AHCY: variants seen among roughly 807,000 people sequenced by gnomAD.
AHCY encodes the protein adenosylhomocysteinase.
AHCY carries 24 observed loss-of-function variants against 45.4 expected under a neutral mutation model. The ratio of observed to expected loss-of-function variants is 0.53; its 90% confidence interval spans 0.38 to 0.74. The LOEUF (loss-of-function observed/expected upper bound fraction) is 0.74. Ranked by LOEUF, AHCY falls within the 30% of genes least tolerant of loss-of-function variation. The pLI, the probability that AHCY is intolerant of heterozygous loss-of-function variation, is 0.00. For missense variants in AHCY, 449 were observed against 594.1 expected (o/e 0.76, Z 2.54); for synonymous variants, 245 against 235.1 (o/e 1.04, Z -0.39).
At chr20:34,244,051 T>C in the AHCY span, among the ~76,000 whole-genome samples, 2 of 152,050 alleles carry the variant, frequency 1.3e-5, no homozygotes, top group Non-Finnish European at 2.9e-5. Flanking sequence ...GGCGACAGAG[T>C]GAGACTCCAT....
At chr20:34,277,779 ACT>A (rs1028752712), downstream of AHCY, among the ~76,000 whole-genome samples, 3 of 148,136 alleles carry the variant, frequency 2.0e-5, no homozygotes, top group African/African-American at 7.8e-5. Context: ...AAAAAAAAAA[ACT>A]CAGCATAAAA....
At chr20:34,282,647 C>T (rs115919243) in intron 9 of AHCY, among the ~76,000 whole-genome samples, 3,606 of 152,224 alleles carry the variant, frequency 0.024, 159 homozygotes, top group African/African-American at 0.081. Context: ...GACGTGTCCA[C>T]GGTCACCAAG....
intron 1 of AHCY, among the ~76,000 whole-genome samples, chr20:34,299,596 C>A (rs1171665768): frequency 5.9e-5 from 9 of 152,212 alleles, no homozygotes; most frequent in African/African-American, 2.2e-4. Context: ...CCAAACTACT[C>A]CCCTGAACTT....
upstream of AHCY, among the ~76,000 whole-genome samples, chr20:34,306,916 G>A (rs967593787): frequency 5.3e-5 from 8 of 152,110 alleles, no homozygotes; most frequent in African/African-American, 1.7e-4. Context: ...GGTAGGGGAC[G>A]GGAGCAAGAG....
At chr20:34,257,654 A>G in the AHCY span, among the ~76,000 whole-genome samples, 1 of 152,214 alleles carries the variant, frequency 6.6e-6, no homozygotes. Flanking sequence ...ATGATATAAT[A>G]ATAAGTTTCA....
chr20:34,299,021 A>C (rs1422203399), intron 1 of AHCY, among the ~76,000 whole-genome samples: 1 of 152,098 alleles, frequency 6.6e-6, no homozygotes, highest in Non-Finnish European at 1.5e-5. Context: ...TATATGCAAT[A>C]AATAACAGCG....
At chr20:34,236,057 GGA>G in the AHCY span, among the ~76,000 whole-genome samples, 55 of 133,058 alleles carry the variant, frequency 4.1e-4, no homozygotes, top group South Asian at 9.9e-4. Context: ...AAGGAAGGAA[GGA>G]GAGAGAGAAA....
upstream of AHCY, among the ~76,000 whole-genome samples, chr20:34,308,139 T>C (rs1471465872): frequency 6.6e-6 from 1 of 152,250 alleles, no homozygotes; most frequent in Non-Finnish European, 1.5e-5. Flanking sequence ...TTGTTCTTTT[T>C]TATGCATGCA....
chr20:34,237,792 A>C, the AHCY span, among the ~76,000 whole-genome samples: 1 of 152,024 alleles, frequency 6.6e-6, no homozygotes, highest in Non-Finnish European at 1.5e-5. Flanking sequence ...TGGGTTTTTC[A>C]TATATGGCTT....
chr20:34,260,048 G>A, the AHCY span, among the ~76,000 whole-genome samples: 2 of 151,882 alleles, frequency 1.3e-5, no homozygotes, highest in African/African-American at 2.4e-5. Context: ...TGGGGCCACA[G>A]ACATTAAAAA....
chr20:34,277,361 C>T (rs191568842), downstream of AHCY, among the ~76,000 whole-genome samples: 298 of 152,270 alleles, frequency 2.0e-3, 1 homozygote, highest in Non-Finnish European at 3.2e-3. Context: ...AAGGTTCTCC[C>T]TTAGTTCCAA....
Position 34,280,945 on chromosome 20 carries a change from A to G in AHCY, c.*89T>C, listed in dbSNP as rs1296489001. ...GTCGATGGGGGACACTGACAAACCA[A>G]TCACAAAGTTGGTGCCATTAGCTCT... On this transcript the variant is annotated 3_prime_UTR_variant, in exon 10 of 10. Coordinates refer to ENST00000217426, the MANE Select transcript of AHCY (RefSeq NM_000687.4). 1.3e-6 allele frequency: 2 copies of G among 1,584,906 alleles called. No individual in the cohort carries two copies. The highest frequency in any genetic ancestry group is 1.3e-5 in the African/African-American group (1 of 74,314).
chr20:34,247,629 G>A, the AHCY span, among the ~76,000 whole-genome samples: 1 of 150,990 alleles, frequency 6.6e-6, no homozygotes, highest in Non-Finnish European at 1.5e-5. Flanking sequence ...TTTTTTTTGA[G>A]ACATGGTCTC....
the AHCY span, among the ~76,000 whole-genome samples, chr20:34,262,518 G>A: frequency 6.6e-6 from 1 of 152,202 alleles, no homozygotes; most frequent in Non-Finnish European, 1.5e-5. Flanking sequence ...ACCTGGGGTG[G>A]CTCTGAGTGG....
chr20:34,306,529 C>T (rs531519756), upstream of AHCY, among the ~76,000 whole-genome samples: 43 of 152,108 alleles, frequency 2.8e-4, no homozygotes, highest in Admixed American at 9.8e-4. Context: ...CTCCCACACC[C>T]GGATAATTTT....
upstream of AHCY, among the ~76,000 whole-genome samples, chr20:34,303,743 C>CA (rs1457978669): frequency 6.6e-6 from 1 of 152,170 alleles, no homozygotes; most frequent in Non-Finnish European, 1.5e-5. Context: ...CCTGTAATCC[C>CA]AGCACTTTGG....
In AHCY at chr20:34,285,504, G is replaced by A. The variant is rs746842495; in HGVS notation, c.1103C>T (p.Ala368Val). The change falls in exon 9 of 10, where the codon GCG (alanine) becomes GTG (valine). Residue 368 changes from alanine (A) to valine (V), a missense_variant. Ala to Val is a moderately conservative substitution (Grantham distance 64, BLOSUM62 0). Transcript: ENST00000217426. ...MSNSFTNQVMAQIELWTHPDK... is the reference protein window; with the variant it reads ...MSNSFTNQVMVQIELWTHPDK... ...TGGATGGGTCCACAGCTCGATCTGC[G>A]CCATCACCTGGTTGGTGAAGGAGTT... 12 of 1,614,004 alleles carry A rather than the reference G, an allele frequency of 7.4e-6. No homozygotes were observed. Among genetic ancestry groups the A allele is most frequent in the Non-Finnish European group, 9.3e-6 (11 of 1,179,982 alleles).
chr20:34,274,487 C>G, the AHCY span, among the ~76,000 whole-genome samples: 1 of 152,128 alleles, frequency 6.6e-6, no homozygotes, highest in South Asian at 2.1e-4. Flanking sequence ...GTGTACCCAA[C>G]AGACTCCCCA....
At chr20:34,307,315 T>C (rs1317213148), upstream of AHCY, among the ~76,000 whole-genome samples, 4 of 151,982 alleles carry the variant, frequency 2.6e-5, no homozygotes, top group East Asian at 7.7e-4. Context: ...GTCTTGAACC[T>C]CTGACCTCAA....
Sources: allele counts gnomAD v4.1 joint callset (sites outside exome capture counted in the v4.1 genomes callset), GRCh38; gene constraint gnomAD v4.1.1; transcripts MANE v1.5; gene names NCBI Gene and HGNC (gene_info 2026-07-23, HGNC 2026-07-21).